The following PLA2G4C variants were observed in gnomAD, a reference collection of about 807,000 sequenced individuals.
PLA2G4C encodes phospholipase A2 group IVC.
In PLA2G4C, 64 loss-of-function variants were observed where a neutral mutation model predicts 73.8. The ratio of observed to expected loss-of-function variants is 0.87; its 90% CI spans 0.71 to 1.07. The LOEUF (loss-of-function observed/expected upper bound fraction) is 1.07, where lower values mean the gene tolerates loss of function less well. Ranked by LOEUF, PLA2G4C falls within the 50% of genes least tolerant of loss-of-function variation. The pLI is 0.00. For synonymous variants in PLA2G4C, 254 were observed against 252.1 expected (o/e 1.01, Z -0.07); for missense variants, 622 against 665.4 (o/e 0.93, Z 0.72).
At chr19:48,052,714 C>T (rs1260206397) in intron 16 of PLA2G4C, among the ~76,000 whole-genome samples, 1 of 152,154 alleles carries the variant, frequency 6.6e-6, no homozygotes, top group African/African-American at 2.4e-5. Flanking sequence ...CACTTCCAGC[C>T]CCCAGCACCA....
Position 48,048,386 on chromosome 19 carries a change from A to T in PLA2G4C, c.1583T>A (p.Leu528His). 2 of 1,587,052 alleles carry T rather than the reference A, an allele frequency of 1.3e-6. No homozygotes were observed. Among genetic ancestry groups the T allele is most frequent in the Non-Finnish European group, 1.7e-6 (2 of 1,170,638 alleles). ...ILRELMNVAG[L>H]YYPKDSARSC... is the part of the protein sequence containing the mutation. ...TCGGGCACTATCCTTCGGGTAGTAG[A>T]GCCTGGGGAGAAAGGAAAGTTAGAA... Residue 528 changes from leucine to histidine, a missense_variant and splice_region_variant, in exon 17 of 17, where the codon CTC becomes CAC. Physicochemically the swap from Leu to His is moderately conservative, Grantham distance 99. Transcript: ENST00000599921.
intron 13 of PLA2G4C, among the ~76,000 whole-genome samples, chr19:48,063,352 A>G (rs1452971695): frequency 3.3e-5 from 5 of 152,016 alleles, no homozygotes; most frequent in African/African-American, 4.8e-5. Flanking sequence ...CATTCTTTAG[A>G]GTTTCCATTA....
intron 14 of PLA2G4C, among the ~76,000 whole-genome samples, chr19:48,057,672 T>C (rs1456329786): frequency 6.6e-6 from 1 of 150,538 alleles, no homozygotes; most frequent in Admixed American, 6.6e-5. Flanking sequence ...GTATTTTTAG[T>C]AGAGACAGGG....
intron 4 of PLA2G4C, among the ~76,000 whole-genome samples, chr19:48,100,976 TTA>T (rs1416448049): frequency 6.7e-6 from 1 of 148,166 alleles, no homozygotes; most frequent in African/African-American, 2.5e-5. Context: ...TAAATATATA[TTA>T]TATATATTAA....
intron 12 of PLA2G4C, among the ~76,000 whole-genome samples, chr19:48,068,327 T>TCGG (rs141831935): frequency 1.0e-5 from 1 of 99,402 alleles, no homozygotes; most frequent in African/African-American, 4.1e-5. Context: ...AAAAAAAAAG[T>TCGG]GGGGGGGTCA....
intron 8 of PLA2G4C, among the ~76,000 whole-genome samples, chr19:48,089,302 C>A (rs1008365843): frequency 7.9e-5 from 12 of 152,062 alleles, no homozygotes; most frequent in Non-Finnish European, 1.6e-4. Flanking sequence ...TGGTGCGCGC[C>A]TGTAGTCCCA....
intron 7 of PLA2G4C, among the ~76,000 whole-genome samples, chr19:48,094,614 T>C (rs1344773834): frequency 6.6e-6 from 1 of 152,184 alleles, no homozygotes; most frequent in Non-Finnish European, 1.5e-5. Flanking sequence ...CAAGCTGGCA[T>C]GGTTGGTCCT....
chr19:48,109,562 G>A lies in PLA2G4C; in HGVS notation c.-33+925C>T, dbSNP rs565378789. 9.9e-5 allele frequency among the ~76,000 whole-genome samples: 15 copies of A among 152,258 alleles called. No homozygotes were observed. The South Asian group carries it at 1.0e-3, about 11-fold the overall frequency. ...GCTGGGATTATAGGCATGAGTCATC[G>A]CACTCGGCCAGACATAGGCTCTTAA... On this transcript the variant is annotated intron_variant, in intron 1 of 16. Coordinates refer to ENST00000599921, the MANE Select transcript of PLA2G4C (RefSeq NM_003706.3).
intron 5 of PLA2G4C, 45 bp from the exon 6 acceptor site, chr19:48,098,304 C>A: frequency 6.4e-7 from 1 of 1,571,590 alleles, no homozygotes; most frequent in South Asian, 1.2e-5. Flanking sequence ...GCATGTGGGT[C>A]CCACAGGGTG....
intron 13 of PLA2G4C, among the ~76,000 whole-genome samples, chr19:48,065,475 G>A (rs1359168020): frequency 6.6e-6 from 1 of 151,902 alleles, no homozygotes; most frequent in East Asian, 1.9e-4. Context: ...AATCAGTTGA[G>A]CATGGTGACA....
chr19:48,066,958 G>GACACACACAC (rs200703260), intron 13 of PLA2G4C, among the ~76,000 whole-genome samples: 26 of 143,946 alleles, frequency 1.8e-4, no homozygotes, highest in African/African-American at 5.7e-4. Flanking sequence ...AACAGAGCAA[G>GACACACACAC]ACACACACAC....
intron 6 of PLA2G4C, among the ~76,000 whole-genome samples, chr19:48,097,532 G>A (rs1014046450): frequency 4.6e-5 from 7 of 151,774 alleles, no homozygotes; most frequent in African/African-American, 1.2e-4. Context: ...GATTACAGGC[G>A]TGAGCCACTG....
At chr19:48,071,647 G>A (rs1031109272) in intron 12 of PLA2G4C, among the ~76,000 whole-genome samples, 3 of 151,906 alleles carry the variant, frequency 2.0e-5, no homozygotes, top group East Asian at 3.9e-4. Flanking sequence ...GTCTCACTAC[G>A]TTGCCCAGGC....
At chr19:48,070,863 C>A (rs1208091437) in intron 12 of PLA2G4C, among the ~76,000 whole-genome samples, 1 of 152,116 alleles carries the variant, frequency 6.6e-6, no homozygotes, top group Non-Finnish European at 1.5e-5. Flanking sequence ...GGGTAACAAA[C>A]CTGCATGTCC....
Position 48,105,922 on chromosome 19 carries a change from C to CTTT in PLA2G4C, c.9-479_9-478insAAA, listed in dbSNP as rs2032189015. On this transcript the variant is annotated intron_variant, in intron 2 of 16. Coordinates refer to ENST00000599921, the MANE Select transcript of PLA2G4C (RefSeq NM_003706.3). ...CCCTCCCTCCCTCCCTCCCTCCCTCCCTCCCTCCCTCCCTCCCTCCCTCCC... is the reference window on the plus strand; with the variant it reads ...CCCTCCCTCCCTCCCTCCCTCCCTCCTTTCTCCCTCCCTCCCTCCCTCCCTCCC... Among the ~76,000 whole-genome samples, 5 of 24,088 alleles carry CTTT rather than the reference C, an allele frequency of 2.1e-4. 2 individuals carry two copies. In the East Asian group the frequency reaches 6.7e-3, roughly 32 times the overall value. The allele number at this position is 24,088 out of a possible 152,430, so 15.8% of individuals were successfully genotyped here.
chr19:48,075,285 GA>G (rs11564605), intron 11 of PLA2G4C, among the ~76,000 whole-genome samples: 3,055 of 151,728 alleles, frequency 0.02, 103 homozygotes, highest in African/African-American at 0.069. Context: ...CCAGTTTCAA[GA>G]AATTCCCCTG....
rs543588381 is a variant in PLA2G4C, at chr19:48,099,746, G to C, written c.372C>G (p.Ile124Met). The C allele has an allele frequency of 6.2e-7, 1 of 1,613,982 alleles. No homozygotes were observed. The highest frequency in any genetic ancestry group is 8.5e-7 in the Non-Finnish European group (1 of 1,179,994). ...WDLAKSLQKTIQAARSENYSL... is the reference protein window; with the variant it reads ...WDLAKSLQKTMQAARSENYSL... The stretch of plus-strand genomic sequence containing the variant: ...AGTAATTCTCAGACCTCGCTGCTTG[G>C]ATGGTTTTCTGTAGGCTCTTAGCCA... Residue 124 changes from isoleucine (I) to methionine (M), a missense_variant, in exon 5 of 17, where the codon ATC becomes ATG. Physicochemically the swap from Ile to Met is conservative, Grantham distance 10. Transcript: ENST00000599921.
At chr19:48,091,645 T>C (rs2031303179) in intron 7 of PLA2G4C, among the ~76,000 whole-genome samples, 1 of 151,872 alleles carries the variant, frequency 6.6e-6, no homozygotes, top group Admixed American at 6.6e-5. Flanking sequence ...TGCTAACACT[T>C]TGGGAGACTG....
intron 4 of PLA2G4C, among the ~76,000 whole-genome samples, chr19:48,100,906 T>C (rs528102996): frequency 6.5e-5 from 9 of 139,386 alleles, no homozygotes; most frequent in Non-Finnish European, 9.0e-5. Context: ...AGAGCAAGAC[T>C]CTATCTCAAA....
Sources: gnomAD v4.1 joint callset for allele counts (sites outside exome capture counted in the v4.1 genomes callset) on GRCh38, gnomAD v4.1.1 for gene constraint, MANE v1.5 for transcripts, NCBI Gene and HGNC (gene_info 2026-07-23, HGNC 2026-07-21) for gene names.